The following OPRM1 variants were observed in gnomAD, a reference collection of about 807,000 sequenced individuals.
OPRM1 encodes mu-type opioid receptor.
OPRM1 carries 27 observed loss-of-function variants against 31.8 expected under a neutral mutation model. That is an observed-to-expected ratio of 0.85 (90% confidence interval 0.63 to 1.17). The LOEUF is 1.17. OPRM1 is among the 50% of genes most tolerant of loss of function. OPRM1 has a pLI of 0.00. For synonymous variants in OPRM1, 196 were observed against 189.9 expected (o/e 1.03, Z -0.26); for missense variants, 536 against 511.1 (o/e 1.05, Z -0.47).
At chr6:154,029,723 C>G (rs1205999106) in intron 1 of OPRM1, among the ~76,000 whole-genome samples, 1 of 152,144 alleles carries the variant, frequency 6.6e-6, no homozygotes, top group African/African-American at 2.4e-5. Context: ...GGGAGGGACC[C>G]AGTGGGAGCT....
upstream of OPRM1, among the ~76,000 whole-genome samples, chr6:154,035,745 C>T (rs541142943): frequency 2.0e-5 from 3 of 152,122 alleles, no homozygotes; most frequent in Admixed American, 1.3e-4. Flanking sequence ...GGGATTCATC[C>T]GTGCTATGAA....
Position 154,091,048 on chromosome 6 carries a change from T to TGCTCATCATTACCGTGTGCTA in OPRM1, c.741_761dup (p.Cys253_Tyr254insTer). Reference sequence around the variant, plus strand: ...TTCATCTTCGCCTTCATTATGCCAGTGCTCATCATTACCGTGTGCTATGGA... The same window carrying TGCTCATCATTACCGTGTGCTA: ...TTCATCTTCGCCTTCATTATGCCAGTGCTCATCATTACCGTGTGCTAGCTCATCATTACCGTGTGCTATGGA... On this transcript the variant is annotated stop_gained and inframe_insertion, in exon 3 of 4. Transcript: ENST00000330432. LOFTEE classifies it high-confidence loss of function. 6.2e-7 allele frequency: 1 copy of TGCTCATCATTACCGTGTGCTA among 1,614,230 alleles called. No homozygotes were observed. The highest frequency in any genetic ancestry group is 8.5e-7 in the Non-Finnish European group (1 of 1,180,032).
At chr6:154,087,295 A>G (rs1790816616) in intron 1 of OPRM1, 1 of 985,330 alleles carries the variant, frequency 1.0e-6, no homozygotes, top group Non-Finnish European at 1.2e-6. Flanking sequence ...TGTTATTGAA[A>G]CCAAAACACT....
intron 3 of OPRM1, among the ~76,000 whole-genome samples, chr6:154,213,947 A>C (rs1220448595): frequency 6.6e-6 from 1 of 152,242 alleles, no homozygotes; most frequent in Non-Finnish European, 1.5e-5. Context: ...AAACATTTGC[A>C]TCGGTGACTG....
chr6:154,026,209 A>G (rs976336258), intron 1 of OPRM1, among the ~76,000 whole-genome samples: 4 of 149,798 alleles, frequency 2.7e-5, no homozygotes, highest in Non-Finnish European at 5.9e-5. Context: ...TGATGCAGAA[A>G]TAGGGTAAAT....
intron 3 of OPRM1, among the ~76,000 whole-genome samples, chr6:154,196,099 C>G (rs9384188): frequency 0.055 from 8,385 of 152,150 alleles, 338 homozygotes; most frequent in South Asian, 0.2. Context: ...CCCCCTGGTT[C>G]ACATTTTATT....
At chr6:154,230,641 A>C (rs1779646081) in intron 3 of OPRM1, among the ~76,000 whole-genome samples, 1 of 152,244 alleles carries the variant, frequency 6.6e-6, no homozygotes, top group South Asian at 2.1e-4. Context: ...GATGAATGGT[A>C]ATATAGGAAA....
chr6:154,016,605 T>C (rs555524623), intron 1 of OPRM1, among the ~76,000 whole-genome samples: 1 of 152,342 alleles, frequency 6.6e-6, no homozygotes, highest in African/African-American at 2.4e-5. Flanking sequence ...TTTAAATTGC[T>C]GATAAAACAT....
intron 1 of OPRM1, among the ~76,000 whole-genome samples, chr6:154,012,660 G>A (rs1777792602): frequency 1.3e-5 from 2 of 151,932 alleles, no homozygotes; most frequent in African/African-American, 4.8e-5. Context: ...TTAAAATAGG[G>A]TCTATGACAT....
intron 1 of OPRM1, among the ~76,000 whole-genome samples, chr6:154,019,722 T>C (rs1778234608): frequency 6.6e-6 from 1 of 151,022 alleles, no homozygotes. Flanking sequence ...TTCCATAGCT[T>C]AGTGGCTTTC....
chr6:154,023,413 C>G (rs1049437266), intron 1 of OPRM1, among the ~76,000 whole-genome samples: 5 of 152,124 alleles, frequency 3.3e-5, no homozygotes, highest in Admixed American at 1.3e-4. Context: ...TATCATGAAA[C>G]TTTACTAAAT....
intron 3 of OPRM1, among the ~76,000 whole-genome samples, chr6:154,152,690 TC>T (rs61709347): frequency 0.08 from 12,063 of 151,670 alleles, 943 homozygotes; most frequent in East Asian, 0.41. Flanking sequence ...TAAAATATTG[TC>T]CCCATTGCAC....
intron 3 of OPRM1, chr6:154,154,735 T>A (rs1798644000): frequency 1.3e-5 from 2 of 152,568 alleles, no homozygotes; most frequent in South Asian, 4.1e-4. Flanking sequence ...TTCTTATTTT[T>A]ATTTTTATCT....
At chr6:154,070,733 T>A (rs894155253) in intron 1 of OPRM1, among the ~76,000 whole-genome samples, 9 of 152,188 alleles carry the variant, frequency 5.9e-5, no homozygotes, top group African/African-American at 2.2e-4. Context: ...ATATTCTTAC[T>A]ACTAGAATAT....
At chr6:154,220,064 TTTC>T (rs1289027222) in intron 3 of OPRM1, among the ~76,000 whole-genome samples, 1 of 151,908 alleles carries the variant, frequency 6.6e-6, no homozygotes, top group African/African-American at 2.4e-5. Context: ...AGTTGCTTTT[TTTC>T]TTCATGTTTC....
chr6:154,088,554 T>C (rs987661952), intron 1 of OPRM1, among the ~76,000 whole-genome samples: 15 of 152,200 alleles, frequency 9.9e-5, no homozygotes, highest in South Asian at 4.1e-4. Context: ...TATTTATTTA[T>C]AAAACAGGCA....
At chr6:154,100,162 TCATAATATATATTATCATATTATGAC>T (rs1794538411) in intron 3 of OPRM1, among the ~76,000 whole-genome samples, 1 of 128,288 alleles carries the variant, frequency 7.8e-6, no homozygotes, top group Admixed American at 8.3e-5. Flanking sequence ...TTATGACGTA[TCATAATATATATTATCATATTATGAC>T]ATATCATAAT....
intron 1 of OPRM1, among the ~76,000 whole-genome samples, chr6:154,017,106 A>G (rs1778048862): frequency 1.3e-5 from 2 of 152,102 alleles, no homozygotes; most frequent in Admixed American, 1.3e-4. Context: ...ATCTGACATT[A>G]CATGAAACTA....
chr6:154,064,504 G>T (rs1010095579), intron 1 of OPRM1, among the ~76,000 whole-genome samples: 2 of 152,082 alleles, frequency 1.3e-5, no homozygotes, highest in Non-Finnish European at 2.9e-5. Flanking sequence ...GACATGCAAT[G>T]TGTCCATGTT....
Sources: gnomAD v4.1 joint callset for allele counts (sites outside exome capture counted in the v4.1 genomes callset) on GRCh38, gnomAD v4.1.1 for gene constraint, MANE v1.5 for transcripts, NCBI Gene and HGNC (gene_info 2026-07-23, HGNC 2026-07-21) for gene names.